Variants in MAF observed in about 807,000 individuals in gnomAD.
The protein encoded by MAF is transcription factor Maf.
MAF carries 10 observed loss-of-function variants against 22.0 expected under a neutral mutation model. The observed-to-expected ratio is 0.45, with a 90% CI of 0.28 to 0.77. The LOEUF (loss-of-function observed/expected upper bound fraction) is 0.77. Ranked by LOEUF, MAF falls within the 30% of genes least tolerant of loss-of-function variation. MAF has a pLI of 0.12. For synonymous variants in MAF, 337 were observed against 255.8 expected (o/e 1.32, Z -3.03); for missense variants, 544 against 548.4 (o/e 0.99, Z 0.08).
chr16:79,368,198 C>T, the MAF span, among the ~76,000 whole-genome samples: 4 of 152,150 alleles, frequency 2.6e-5, no homozygotes, highest in Non-Finnish European at 4.4e-5. Flanking sequence ...GTTTTCATCG[C>T]GTCTGGGAGC....
chr16:79,397,357 A>G, the MAF span, among the ~76,000 whole-genome samples: 1 of 152,348 alleles, frequency 6.6e-6, no homozygotes, highest in East Asian at 1.9e-4. Context: ...AGTGCAGAGC[A>G]TATGTCTTAC....
At chr16:79,402,143 T>A in the MAF span, among the ~76,000 whole-genome samples, 1 of 152,140 alleles carries the variant, frequency 6.6e-6, no homozygotes, top group Non-Finnish European at 1.5e-5. Flanking sequence ...ATTGCTGAAT[T>A]TTTCTGAGCC....
At chr16:79,502,716 T>TATATATATAAATATAA in the MAF span, among the ~76,000 whole-genome samples, 31 of 20,578 alleles carry the variant, frequency 1.5e-3, 1 homozygote, top group African/African-American at 4.2e-3. Flanking sequence ...TAAATATATA[T>TATATATATAAATATAA]ATATATATAT....
At chr16:79,233,588 C>G in the MAF span, among the ~76,000 whole-genome samples, 1 of 152,074 alleles carries the variant, frequency 6.6e-6, no homozygotes, top group South Asian at 2.1e-4. Flanking sequence ...ACTGTGGGAA[C>G]AGAGATCACA....
the MAF span, among the ~76,000 whole-genome samples, chr16:79,458,109 A>AGTGTGTGTGTGTGT: frequency 0.15 from 20,057 of 136,216 alleles, 2,086 homozygotes; most frequent in Middle Eastern, 0.24. Flanking sequence ...GGTATGTATA[A>AGTGTGTGTGTGTGT]GTGTGTGTGT....
the MAF span, among the ~76,000 whole-genome samples, chr16:79,276,772 C>A: frequency 1.3e-5 from 2 of 152,256 alleles, no homozygotes; most frequent in Admixed American, 6.5e-5. Context: ...TAACAAATGA[C>A]CATAAAACGC....
the MAF span, among the ~76,000 whole-genome samples, chr16:79,531,941 G>T: frequency 6.6e-6 from 1 of 152,138 alleles, no homozygotes; most frequent in Non-Finnish European, 1.5e-5. Context: ...GCGGGGTTTG[G>T]ATGGTCTGGG....
At chr16:79,237,261 G>A in the MAF span, among the ~76,000 whole-genome samples, 49 of 152,028 alleles carry the variant, frequency 3.2e-4, no homozygotes, top group African/African-American at 1.2e-3. Context: ...AGGGAGCCAC[G>A]GAAACAACTG....
the MAF span, among the ~76,000 whole-genome samples, chr16:79,508,886 A>G: frequency 6.6e-6 from 1 of 152,132 alleles, no homozygotes. Flanking sequence ...GTGACTCTTA[A>G]TGGGTATGAG....
At chr16:79,244,646 A>G in the MAF span, among the ~76,000 whole-genome samples, 18 of 152,104 alleles carry the variant, frequency 1.2e-4, no homozygotes, top group African/African-American at 3.6e-4. Flanking sequence ...TAGTGCCAAA[A>G]GTAATTTATA....
the MAF span, among the ~76,000 whole-genome samples, chr16:79,543,589 G>C: frequency 5.3e-3 from 810 of 152,068 alleles, 13 homozygotes; most frequent in African/African-American, 0.019. Flanking sequence ...CCACGTTCTG[G>C]GTAACATAAT....
At chr16:79,517,500 C>G in the MAF span, among the ~76,000 whole-genome samples, 2 of 151,422 alleles carry the variant, frequency 1.3e-5, no homozygotes, top group Admixed American at 1.3e-4. Context: ...TCCAGTCTTT[C>G]AAATCCAGTT....
chr16:79,404,900 C>G, the MAF span, among the ~76,000 whole-genome samples: 5 of 152,132 alleles, frequency 3.3e-5, no homozygotes, highest in African/African-American at 1.2e-4. Context: ...TCCCCAGACA[C>G]TTACAAATTC....
the MAF span, among the ~76,000 whole-genome samples, chr16:79,502,619 T>A: frequency 6.7e-6 from 1 of 149,422 alleles, no homozygotes; most frequent in African/African-American, 2.5e-5. Context: ...TGAGCTGAGA[T>A]TGCACCACTG....
chr16:79,256,136 G>A, the MAF span, among the ~76,000 whole-genome samples: 6 of 150,484 alleles, frequency 4.0e-5, no homozygotes, highest in Non-Finnish European at 8.9e-5. Context: ...CACATGCCAC[G>A]ACGCCCAGCT....
At chr16:79,393,405 G>A in the MAF span, among the ~76,000 whole-genome samples, 1 of 152,214 alleles carries the variant, frequency 6.6e-6, no homozygotes, top group African/African-American at 2.4e-5. Context: ...GTTTGCAGAG[G>A]TTGGGCTATC....
At chr16:79,272,999 A>G in the MAF span, among the ~76,000 whole-genome samples, 1 of 152,264 alleles carries the variant, frequency 6.6e-6, no homozygotes, top group Non-Finnish European at 1.5e-5. Flanking sequence ...AAATTATAAA[A>G]TACAGAAGTA....
chr16:79,515,318 C>T, the MAF span, among the ~76,000 whole-genome samples: 19 of 152,330 alleles, frequency 1.2e-4, no homozygotes, highest in South Asian at 3.9e-3. Flanking sequence ...GATGGTTCCA[C>T]TTATGGAATT....
chr16:79,484,403 A>C, the MAF span, among the ~76,000 whole-genome samples: 2 of 152,232 alleles, frequency 1.3e-5, no homozygotes, highest in Non-Finnish European at 2.9e-5. Flanking sequence ...GAGCAGAGCC[A>C]GTGTATCTGC....
Sources: allele counts gnomAD v4.1 joint callset (sites outside exome capture counted in the v4.1 genomes callset), GRCh38; gene constraint gnomAD v4.1.1; transcripts MANE v1.5; gene names NCBI Gene and HGNC (gene_info 2026-07-23, HGNC 2026-07-21).